The following MGMT variants were observed in gnomAD, a reference collection of about 807,000 sequenced individuals.
MGMT encodes O-6-methylguanine-DNA methyltransferase, also known as methylated-DNA--protein-cysteine methyltransferase.
In MGMT, 14 loss-of-function variants were observed where a neutral mutation model predicts 15.9. The observed-to-expected ratio is 0.88, with a 90% CI of 0.58 to 1.37. The LOEUF (loss-of-function observed/expected upper bound fraction) is 1.37. MGMT is among the 40% of genes most tolerant of loss of function. The pLI is 0.00. For synonymous variants in MGMT, 130 were observed against 118.2 expected, an observed-to-expected ratio of 1.10 and a Z score of -0.65; for missense variants, 282 against 268.1, an observed-to-expected ratio of 1.05 and a Z score of -0.36.
intron 3 of MGMT, among the ~76,000 whole-genome samples, chr10:129,724,499 T>C (rs1332821630): frequency 6.6e-6 from 1 of 152,196 alleles, no homozygotes; most frequent in Non-Finnish European, 1.5e-5. Flanking sequence ...TTTGTCAGAA[T>C]TCATCAAATG....
chr10:129,696,120 A>G (rs186130248), intron 2 of MGMT, among the ~76,000 whole-genome samples: 4 of 152,086 alleles, frequency 2.6e-5, no homozygotes, highest in Admixed American at 2.0e-4. Context: ...CCCTTTATTA[A>G]TGACCCCCTG....
chr10:129,706,299 C>T (rs1236664120), intron 2 of MGMT, among the ~76,000 whole-genome samples: 10 of 152,216 alleles, frequency 6.6e-5, no homozygotes, highest in East Asian at 1.9e-4. Context: ...AGAGTTGGGA[C>T]GGTGCTCCCG....
chr10:129,610,202 A>AT (rs934053638), intron 2 of MGMT, among the ~76,000 whole-genome samples: 4 of 152,096 alleles, frequency 2.6e-5, no homozygotes, highest in African/African-American at 7.2e-5. Flanking sequence ...GAATTTATTG[A>AT]TTTTTTGAGA....
intron 3 of MGMT, among the ~76,000 whole-genome samples, chr10:129,709,545 TCTC>T (rs1848207252): frequency 6.6e-6 from 1 of 152,140 alleles, no homozygotes; most frequent in South Asian, 2.1e-4. Context: ...AGGCTTTTCT[TCTC>T]CTTAAGCCTG....
intron 2 of MGMT, among the ~76,000 whole-genome samples, chr10:129,600,200 C>T (rs55783539): frequency 0.031 from 4,718 of 152,292 alleles, 116 homozygotes; most frequent in South Asian, 0.066. Context: ...TCTCTGCGTC[C>T]GCCCATCCAT....
chr10:129,743,673 C>T (rs1474867772), intron 3 of MGMT, among the ~76,000 whole-genome samples: 2 of 152,258 alleles, frequency 1.3e-5, no homozygotes, highest in African/African-American at 4.8e-5. Flanking sequence ...TCCATGTTAG[C>T]TGCTTCCTTC....
rs571464407 is a variant in MGMT, at chr10:129,480,985, C to T, written c.-13+13689C>T. Among the ~76,000 whole-genome samples the T allele has an allele frequency of 6.6e-5, 10 of 152,318 alleles. No homozygotes were observed. In the South Asian group the frequency reaches 1.2e-3, roughly 19 times the overall value. ...GGCAGAAGTGCTTTGCTGCGCTTCC[C>T]GTTAGGTCACAGAATGTTTAGAAGG... is the stretch of plus-strand genomic sequence containing the variant. On this transcript the variant is annotated intron_variant, in intron 1 of 4. Coordinates refer to ENST00000651593, the MANE Select transcript of MGMT (RefSeq NM_002412.5).
intron 1 of MGMT, among the ~76,000 whole-genome samples, chr10:129,494,115 A>G (rs981193163): frequency 6.6e-6 from 1 of 152,202 alleles, no homozygotes; most frequent in Non-Finnish European, 1.5e-5. Flanking sequence ...GTGCACAAAG[A>G]TGTTTAATAT....
intron 2 of MGMT, among the ~76,000 whole-genome samples, chr10:129,619,652 A>G (rs767330873): frequency 1.2e-4 from 19 of 152,186 alleles, no homozygotes; most frequent in Non-Finnish European, 7.3e-5. Context: ...AATATATGCA[A>G]TACTATTAAG....
chr10:129,578,671 T>G (rs538630102), intron 2 of MGMT, among the ~76,000 whole-genome samples: 2 of 152,262 alleles, frequency 1.3e-5, no homozygotes, highest in South Asian at 4.1e-4. Flanking sequence ...ACCCTAAAAC[T>G]TAAAGTATAA....
chr10:129,607,206 G>A (rs190575460), intron 2 of MGMT, among the ~76,000 whole-genome samples: 3 of 151,990 alleles, frequency 2.0e-5, no homozygotes, highest in Non-Finnish European at 4.4e-5. Flanking sequence ...TCAGAACCAC[G>A]CGTAAATCCT....
At chr10:129,720,966 A>G (rs1374615599) in intron 3 of MGMT, among the ~76,000 whole-genome samples, 1 of 151,998 alleles carries the variant, frequency 6.6e-6, no homozygotes, top group Non-Finnish European at 1.5e-5. Flanking sequence ...CAAGAAAAAT[A>G]TGTAAATAAA....
intron 2 of MGMT, among the ~76,000 whole-genome samples, chr10:129,599,004 T>C (rs533437200): frequency 9.9e-5 from 15 of 152,252 alleles, no homozygotes; most frequent in Non-Finnish European, 2.1e-4. Context: ...GCTAATACCC[T>C]AGTTGGTACT....
intron 2 of MGMT, among the ~76,000 whole-genome samples, chr10:129,687,127 C>T (rs1847913274): frequency 6.6e-6 from 1 of 152,006 alleles, no homozygotes; most frequent in Non-Finnish European, 1.5e-5. Flanking sequence ...GGGGTAAGAA[C>T]AACGTTTTTA....
chr10:129,665,303 A>ACTCT (rs200511842), intron 2 of MGMT, among the ~76,000 whole-genome samples: 17 of 131,790 alleles, frequency 1.3e-4, no homozygotes, highest in Non-Finnish European at 2.3e-4. Flanking sequence ...CTCTCTCCCA[A>ACTCT]CTCTCTCTCT....
intron 2 of MGMT, among the ~76,000 whole-genome samples, chr10:129,571,090 G>A (rs149543750): frequency 2.6e-4 from 40 of 152,210 alleles, no homozygotes; most frequent in African/African-American, 9.7e-4. Flanking sequence ...GTTAGTGTAT[G>A]AGCACACACC....
chr10:129,469,903 G>A (rs931421178), intron 1 of MGMT, among the ~76,000 whole-genome samples: 18 of 151,950 alleles, frequency 1.2e-4, no homozygotes, highest in Non-Finnish European at 4.4e-5. Flanking sequence ...TAGAGGCCAG[G>A]GTCTCCGTAT....
At chr10:129,735,108 A>G (rs184262198) in intron 3 of MGMT, among the ~76,000 whole-genome samples, 185 of 152,114 alleles carry the variant, frequency 1.2e-3, no homozygotes, top group African/African-American at 3.9e-3. Context: ...CTCCTTTTCT[A>G]TTGATTGGAA....
At chr10:129,636,061 T>C (rs1037777621) in intron 2 of MGMT, among the ~76,000 whole-genome samples, 11 of 152,266 alleles carry the variant, frequency 7.2e-5, no homozygotes, top group Admixed American at 5.2e-4. Context: ...TTCTGAGTTA[T>C]CTTCTTTTTC....
Sources: allele counts gnomAD v4.1 joint callset (sites outside exome capture counted in the v4.1 genomes callset), GRCh38; gene constraint gnomAD v4.1.1; transcripts MANE v1.5; gene names NCBI Gene and HGNC (gene_info 2026-07-23, HGNC 2026-07-21).